The following IKZF1 variants were observed in gnomAD, a reference collection of about 807,000 sequenced individuals.
IKZF1 encodes the protein IKAROS family zinc finger 1.
IKZF1 carries 10 observed loss-of-function variants against 51.7 expected under a neutral mutation model. The ratio of observed to expected loss-of-function variants is 0.19; its 90% CI spans 0.12 to 0.33. The LOEUF (loss-of-function observed/expected upper bound fraction) is 0.33, where lower values mean the gene tolerates loss of function less well. Among genes scored for constraint, IKZF1 ranks in the 10% least tolerant of loss-of-function variants. IKZF1 has a pLI of 1.00. For missense variants in IKZF1, 484 were observed against 707.5 expected (o/e 0.68, Z 3.58); for synonymous variants, 280 against 282.3 (o/e 0.99, Z 0.08).
intron 1 of IKZF1, among the ~76,000 whole-genome samples, chr7:50,309,086 C>G (rs1370266320): frequency 6.6e-6 from 1 of 152,262 alleles, no homozygotes; most frequent in African/African-American, 2.4e-5. Context: ...TCTGAACGCT[C>G]TGCTTTCGGA....
intron 2 of IKZF1, among the ~76,000 whole-genome samples, chr7:50,320,897 T>A (rs1584455491): frequency 6.6e-6 from 1 of 152,364 alleles, no homozygotes; most frequent in Non-Finnish European, 1.5e-5. Context: ...ATCAGTATTT[T>A]AAAACTATGG....
At chr7:50,349,969 T>C (rs1476270339) in intron 3 of IKZF1, among the ~76,000 whole-genome samples, 1 of 152,238 alleles carries the variant, frequency 6.6e-6, no homozygotes, top group African/African-American at 2.4e-5. Context: ...AGCCGTAGGT[T>C]TGAAAATTCC....
chr7:50,403,145 G>T lies in IKZF1; in HGVS notation c.*2518G>T. 4.5e-6 allele frequency: 1 copy of T among 220,104 alleles called. No homozygotes were observed. The highest frequency in any genetic ancestry group is 9.1e-6 in the Non-Finnish European group (1 of 109,934). The allele number at this position is 220,104 out of a possible 1,614,324, so 13.6% of individuals were successfully genotyped here. On this transcript the variant is annotated 3_prime_UTR_variant, in exon 8 of 8. Coordinates refer to ENST00000331340, the MANE Select transcript of IKZF1 (RefSeq NM_006060.6). ...TTATAGCCAATATAAATGTCTCTTT[G>T]CACACCTTTTGTTGTGGTTTTATAT...
At chr7:50,370,808 C>T (rs1171872775) in intron 3 of IKZF1, among the ~76,000 whole-genome samples, 3 of 152,282 alleles carry the variant, frequency 2.0e-5, no homozygotes, top group African/African-American at 7.2e-5. Flanking sequence ...AATTCAGCAC[C>T]TTACTGAGTT....
chr7:50,361,406 C>G (rs1805187414), intron 3 of IKZF1, among the ~76,000 whole-genome samples: 1 of 152,210 alleles, frequency 6.6e-6, no homozygotes, highest in Admixed American at 6.5e-5. Context: ...GGTTACAACA[C>G]TGGGAAAATA....
Position 50,403,892 on chromosome 7 carries a change from A to G in IKZF1, c.*3265A>G. 4.6e-6 allele frequency: 1 copy of G among 218,382 alleles called. No individual in the cohort carries two copies. Among genetic ancestry groups the G allele is most frequent in the Admixed American group, 5.8e-5 (1 of 17,282 alleles). 13.5% of individuals were successfully genotyped at this position (218,382 alleles called of 1,614,324 possible). On this transcript the variant is annotated 3_prime_UTR_variant, in exon 8 of 8. Coordinates refer to ENST00000331340, the MANE Select transcript of IKZF1 (RefSeq NM_006060.6). ...TTCTTGCCAAAACAAACGCGAGATG[A>G]ACTGGACTTATGTAGACAAATCGTG...
chr7:50,382,393 C>A, intron 4 of IKZF1, 147 bp from the exon 5 acceptor site: 1 of 1,166,754 alleles, frequency 8.6e-7, no homozygotes, highest in Non-Finnish European at 1.1e-6. Context: ...AAGGAGCTGG[C>A]AGGTTTAGTC....
At chr7:50,344,338 C>T (rs754935050) in intron 3 of IKZF1, among the ~76,000 whole-genome samples, 4 of 152,218 alleles carry the variant, frequency 2.6e-5, no homozygotes, top group African/African-American at 4.8e-5. Flanking sequence ...AGGCCACATC[C>T]GCTGATGTTG....
intron 3 of IKZF1, among the ~76,000 whole-genome samples, chr7:50,373,376 G>T (rs555200534): frequency 1.8e-4 from 27 of 152,306 alleles, no homozygotes; most frequent in African/African-American, 6.3e-4. Context: ...GATAGCTTCT[G>T]GCAAGTTCTA....
chr7:50,402,558 G>GA lies in IKZF1; in HGVS notation c.*1939dup, dbSNP rs370645068. On this transcript the variant is annotated 3_prime_UTR_variant, in exon 8 of 8. Transcript: ENST00000331340. ...ATCAAATGTCTGGGAAGCCCTCCAA[G>GA]AAAAAAAATAGAAAAGCACTTGAAG... 1.6e-4 allele frequency: 38 copies of GA among 231,514 alleles called. No individual in the cohort carries two copies. The highest frequency in any genetic ancestry group is 6.0e-4 in the African/African-American group (27 of 45,276). The allele number at this position is 231,514 out of a possible 1,614,324, so 14.3% of individuals were successfully genotyped here.
chr7:50,376,684 G>C lies in IKZF1; in HGVS notation c.312G>C (p.Leu104Phe), dbSNP rs776248281. Residue 104 changes from leucine to phenylalanine, a missense_variant, in exon 4 of 8, where the codon TTG (leucine) becomes TTC (phenylalanine). Leu to Phe is a conservative substitution (Grantham distance 22, BLOSUM62 0). This residue lies in a region of IKZF1 where 118 missense variants were observed against 138.4 expected (regional missense o/e 0.85). Coordinates refer to ENST00000331340, the MANE Select transcript of IKZF1 (RefSeq NM_006060.6). The surrounding 1 kb of genome is among the most constrained non-coding windows in gnomAD (Gnocchi z 4.5). ...GSHRDQGSSALSGVGGIRLPN... is the reference protein window; with the variant it reads ...GSHRDQGSSAFSGVGGIRLPN... ...ACAGGGACCAAGGCAGCTCGGCTTT[G>C]TCGGGAGTTGGAGGCATTCGACTTC... 1 of 1,613,996 alleles carries C rather than the reference G, an allele frequency of 6.2e-7. No homozygotes were observed. The highest frequency in any genetic ancestry group is 8.5e-7 in the Non-Finnish European group (1 of 1,179,900).
Position 50,401,411 on chromosome 7 carries a change from T to C in IKZF1, c.*784T>C, listed in dbSNP as rs1818101185. ...CCCGTAGGAGGAGACTGTCTTCCCG[T>C]GGGCATATCTGGGGAGCCCTGTTCC... On this transcript the variant is annotated 3_prime_UTR_variant, in exon 8 of 8. Coordinates refer to ENST00000331340, the MANE Select transcript of IKZF1 (RefSeq NM_006060.6). 1 of 226,292 alleles carries C rather than the reference T, an allele frequency of 4.4e-6. No homozygotes were observed. The highest frequency in any genetic ancestry group is 1.8e-4 in the South Asian group (1 of 5,460). 14.0% of individuals were successfully genotyped at this position (226,292 alleles called of 1,614,324 possible).
chr7:50,358,974 T>C (rs906067657), intron 3 of IKZF1, among the ~76,000 whole-genome samples: 2 of 152,156 alleles, frequency 1.3e-5, no homozygotes, highest in African/African-American at 4.8e-5. Flanking sequence ...AGATACAGAA[T>C]TATGGCCAAG....
Position 50,391,757 on chromosome 7 carries a change from A to G in IKZF1, c.744A>G (p.Glu248=). 1.9e-6 allele frequency: 3 copies of G among 1,614,036 alleles called. No individual in the cohort carries two copies. Among genetic ancestry groups the G allele is most frequent in the Non-Finnish European group, 2.5e-6 (3 of 1,179,902 alleles). The change falls in exon 7 of 8, where the codon GAA becomes GAG. Residue 248 remains glutamate (E), a synonymous_variant. Transcript: ENST00000331340. ...TTAAAGAAGAAACTAATCACAGTGA[A>G]ATGGCAGAAGACCTGTGCAAGATAG... ...PVIKEETNHS[E]MAEDLCKIGS...
At chr7:50,330,500 G>C (rs1327772315) in intron 3 of IKZF1, among the ~76,000 whole-genome samples, 1 of 152,176 alleles carries the variant, frequency 6.6e-6, no homozygotes, top group East Asian at 1.9e-4. Context: ...GGAAGTGAAG[G>C]AGGGAGAGGA....
In IKZF1 at chr7:50,304,886, A is replaced by T. The variant is rs1383230478; in HGVS notation, c.-51A>T. ...CCGAGGTTGCTCTTCGCACCCGAGGATCAGTCTTGGCCCCAAAGCGCGACG... is the reference window on the plus strand; with the variant it reads ...CCGAGGTTGCTCTTCGCACCCGAGGTTCAGTCTTGGCCCCAAAGCGCGACG... On this transcript the variant is annotated 5_prime_UTR_variant, in exon 1 of 8. Transcript: ENST00000331340. 1 of 152,660 alleles carries T rather than the reference A, an allele frequency of 6.6e-6. No individual in the cohort carries two copies. Among genetic ancestry groups the T allele is most frequent in the African/African-American group, 2.4e-5 (1 of 41,414 alleles). The allele number at this position is 152,660 out of a possible 1,614,324, so 9.5% of individuals were successfully genotyped here. A position where few individuals can be genotyped will look rare whatever the true frequency, so the allele number is the denominator to read the frequency against.
At chr7:50,359,138 A>G (rs938615749) in intron 3 of IKZF1, among the ~76,000 whole-genome samples, 1 of 152,112 alleles carries the variant, frequency 6.6e-6, no homozygotes, top group Non-Finnish European at 1.5e-5. Flanking sequence ...GCATATTCCA[A>G]TAGTTCCAGG....
chr7:50,354,587 AG>A (rs1695443180), intron 3 of IKZF1, among the ~76,000 whole-genome samples: 1 of 152,210 alleles, frequency 6.6e-6, no homozygotes. Flanking sequence ...GTTTTTTAAG[AG>A]AGAACAAAAA....
At chr7:50,317,539 T>C (rs1791903510) in intron 1 of IKZF1, among the ~76,000 whole-genome samples, 2 of 152,178 alleles carry the variant, frequency 1.3e-5, no homozygotes, top group Non-Finnish European at 2.9e-5. Flanking sequence ...CTGGCTTCCG[T>C]GTGCTGGTGG....
Sources: allele counts gnomAD v4.1 joint callset (sites outside exome capture counted in the v4.1 genomes callset), GRCh38; gene constraint gnomAD v4.1.1; regional missense constraint gnomAD v4.1.1; non-coding constraint Gnocchi (gnomAD v3.1); transcripts MANE v1.5; gene names NCBI Gene and HGNC (gene_info 2026-07-23, HGNC 2026-07-21).